Variants in COL6A5 observed in about 807,000 individuals in gnomAD.
The protein encoded by COL6A5 is collagen alpha-5(VI) chain.
A neutral mutation model predicts 65.6 loss-of-function variants in COL6A5; 48 were observed. The ratio of observed to expected loss-of-function variants is 0.73; its 90% confidence interval spans 0.58 to 0.93. The LOEUF (loss-of-function observed/expected upper bound fraction) is 0.93, where lower values mean the gene tolerates loss of function less well. Ranked by LOEUF, COL6A5 falls within the 40% of genes least tolerant of loss-of-function variation. COL6A5 has a pLI of 0.00. For missense variants in COL6A5, 914 were observed against 928.3 expected, an observed-to-expected ratio of 0.98 and a Z score of 0.20; for synonymous variants, 291 against 322.8, an observed-to-expected ratio of 0.90 and a Z score of 1.05.
intron 12 of COL6A5, among the ~76,000 whole-genome samples, chr3:130,402,936 C>A (rs1415590195): frequency 1.3e-5 from 2 of 152,252 alleles, no homozygotes; most frequent in East Asian, 1.9e-4. Flanking sequence ...TATGGAAGGA[C>A]AATTTATATT....
At chr3:130,393,051 C>T (rs376590810) in intron 7 of COL6A5, among the ~76,000 whole-genome samples, 2 of 148,952 alleles carry the variant, frequency 1.3e-5, no homozygotes, top group East Asian at 2.1e-4. Context: ...GATGTGGTCA[C>T]TCTTCTGCTT....
intron 4 of COL6A5, among the ~76,000 whole-genome samples, chr3:130,444,793 A>T (rs1709269235): frequency 6.6e-6 from 1 of 152,174 alleles, no homozygotes; most frequent in African/African-American, 2.4e-5. Context: ...TCCAGGCATG[A>T]TGGATAAGTG....
chr3:130,397,597 A>T, exon 9 of COL6A5: 1 of 1,550,054 alleles, frequency 6.5e-7, no homozygotes, highest in Non-Finnish European at 8.7e-7. Flanking sequence ...CTTTATGGAC[A>T]TAGTGGTTGG....
chr3:130,372,702 G>C (rs1257083380), intron 1 of COL6A5, among the ~76,000 whole-genome samples: 1 of 152,040 alleles, frequency 6.6e-6, no homozygotes, highest in African/African-American at 2.4e-5. Flanking sequence ...TATGGGTTTG[G>C]GGTTTCTTTT....
exon 27 of COL6A5, chr3:130,421,360 G>A: frequency 6.4e-6 from 10 of 1,550,640 alleles, no homozygotes; most frequent in Non-Finnish European, 7.9e-6. Context: ...CGGGGCAGAA[G>A]GTATTGTATG....
At chr3:130,450,568 G>A (rs900276821) in intron 4 of COL6A5, among the ~76,000 whole-genome samples, 1 of 152,138 alleles carries the variant, frequency 6.6e-6, no homozygotes, top group African/African-American at 2.4e-5. Context: ...GCAAAACCTT[G>A]TGATCAGGTA....
In COL6A5 at chr3:130,352,935, TTAAC is replaced by T. The variant is rs1934777549; in HGVS notation, c.-29+6958_-29+6961del. 1.3e-5 allele frequency among the ~76,000 whole-genome samples: 2 copies of T among 152,234 alleles called. 1 individual carries two copies. Among genetic ancestry groups the T allele is most frequent in the Admixed American group, 1.3e-4 (2 of 15,294 alleles). On this transcript the variant is annotated intron_variant and NMD_transcript_variant, in intron 1 of 41. Coordinates refer to the COL6A5 transcript ENST00000312481. ...CTTGATATCACTTTCTTCTGTGACA[TTAAC>T]TAAGAGTACTTGCCTCATATAGAAA... is the stretch of plus-strand genomic sequence containing the variant.
exon 3 of COL6A5, chr3:130,440,547 T>C: frequency 1.2e-6 from 2 of 1,613,676 alleles, no homozygotes; most frequent in Non-Finnish European, 1.7e-6. Flanking sequence ...GAAAATCTTT[T>C]TCCAGAAACA....
chr3:130,407,443 G>A (rs76369090), intron 17 of COL6A5, among the ~76,000 whole-genome samples: 7,467 of 152,286 alleles, frequency 0.049, 524 homozygotes, highest in East Asian at 0.33. Flanking sequence ...TAATGTGGAC[G>A]ATACTTTGCA....
At chr3:130,442,430 G>T (rs933149497) in intron 3 of COL6A5, among the ~76,000 whole-genome samples, 64 of 152,214 alleles carry the variant, frequency 4.2e-4, no homozygotes, top group African/African-American at 1.3e-3. Context: ...TGCAATATTT[G>T]TAAAAGACTA....
Position 130,421,989 on chromosome 3 carries a change from A to G in COL6A5, c.5037+629A>G, listed in dbSNP as rs1301726493. Among the ~76,000 whole-genome samples, 7 of 152,126 alleles carry G rather than the reference A, an allele frequency of 4.6e-5. No homozygotes were observed. In the South Asian group the frequency reaches 1.0e-3, roughly 23 times the overall value. ...AATTCTGTAAAAAGATCTCCCTTAG[A>G]AAAAAAAGTCCAGAACAATGTCTTC... On this transcript the variant is annotated intron_variant and NMD_transcript_variant, in intron 27 of 41. Transcript: ENST00000312481.
chr3:130,477,769 G>A (rs1052901645), intron 7 of COL6A5, among the ~76,000 whole-genome samples: 1 of 152,004 alleles, frequency 6.6e-6, no homozygotes, highest in Non-Finnish European at 1.5e-5. Context: ...TTCTTTAATA[G>A]GGGTCCTTTC....
intron 30 of COL6A5, 28 bp downstream of exon 30, chr3:130,426,277 A>G: frequency 6.4e-7 from 1 of 1,551,222 alleles, no homozygotes; most frequent in Non-Finnish European, 8.7e-7. Context: ...CATGAAAGAA[A>G]ACTCAATAAG....
At chr3:130,455,765 A>C in intron 5 of COL6A5, 99 bp downstream of exon 37, 1 of 957,392 alleles carries the variant, frequency 1.0e-6, no homozygotes. Context: ...TGGTATCTAA[A>C]GCAACTTTTT....
At chr3:130,365,566 C>T (rs1476350081) in intron 1 of COL6A5, among the ~76,000 whole-genome samples, 4 of 152,160 alleles carry the variant, frequency 2.6e-5, no homozygotes, top group Admixed American at 6.5e-5. Context: ...CGTGAGCCAC[C>T]GCGCCTGGCC....
intron 1 of COL6A5, among the ~76,000 whole-genome samples, chr3:130,350,562 T>G (rs1050958129): frequency 1.3e-5 from 2 of 152,184 alleles, no homozygotes; most frequent in Non-Finnish European, 2.9e-5. Context: ...CATTCACAAT[T>G]TCTTCAAAGA....
chr3:130,389,726 AT>A (rs1446559651), intron 6 of COL6A5, among the ~76,000 whole-genome samples: 1 of 152,004 alleles, frequency 6.6e-6, no homozygotes, highest in African/African-American at 2.4e-5. Context: ...TGGGGTCATC[AT>A]TTTATTCTTA....
chr3:130,444,539 G>C lies in COL6A5; in HGVS notation c.1332+973G>C, dbSNP rs138327368. ...GCTTCAGCCGGTCCCTCCGTTTGGG[G>C]TCCCTGACCTCCCGCAACATCTCTC... On this transcript the variant is annotated intron_variant, in intron 4 of 7. Coordinates refer to ENST00000512836, the Ensembl canonical transcript of COL6A5. Among the ~76,000 whole-genome samples the C allele has an allele frequency of 3.2e-3, 490 of 152,214 alleles. 2 individuals carry two copies. The highest frequency in any genetic ancestry group is 0.012 in the African/African-American group (478 of 41,544).
At chr3:130,469,864 T>TA (rs2107615172) in intron 6 of COL6A5, among the ~76,000 whole-genome samples, 1 of 152,166 alleles carries the variant, frequency 6.6e-6, no homozygotes, top group East Asian at 1.9e-4. Flanking sequence ...ATAAAGTGCT[T>TA]AAAATCTCAC....
Sources: gnomAD v4.1 joint callset for allele counts (sites outside exome capture counted in the v4.1 genomes callset) on GRCh38, gnomAD v4.1.1 for gene constraint, MANE v1.5 for transcripts, NCBI Gene and HGNC (gene_info 2026-07-23, HGNC 2026-07-21) for gene names.